Variants in AMBP observed in about 807,000 individuals in gnomAD.
AMBP encodes alpha-1-microglobulin/bikunin precursor.
A neutral mutation model predicts 46.3 loss-of-function variants in AMBP; 37 were observed. The observed-to-expected ratio is 0.80, with a 90% CI of 0.61 to 1.05. The LOEUF (loss-of-function observed/expected upper bound fraction) is 1.05, where lower values mean the gene tolerates loss of function less well. Among genes scored for constraint, AMBP ranks in the 50% least tolerant of loss-of-function variants. AMBP has a pLI of 0.00. For synonymous variants in AMBP, 174 were observed against 175.9 expected (o/e 0.99, Z 0.09); for missense variants, 475 against 461.2 (o/e 1.03, Z -0.27).
chr9:114,069,225 C>A (rs1846721040), intron 6 of AMBP, among the ~76,000 whole-genome samples: 2 of 151,926 alleles, frequency 1.3e-5, no homozygotes, highest in Admixed American at 6.6e-5. Flanking sequence ...ATAGGAAAGC[C>A]CCAAAATCAG....
In AMBP at chr9:114,060,287, A is replaced by C; in HGVS notation, c.1028-17T>G. ...CCTCATCACCTGTGGACACAGAGAG[A>C]CTCAGGGAGGGGTCCGTAGGCAGGG... On this transcript the variant is annotated splice_polypyrimidine_tract_variant and intron_variant, in intron 9 of 9. Coordinates refer to ENST00000265132, the MANE Select transcript of AMBP (RefSeq NM_001633.4). 6.2e-7 allele frequency: 1 copy of C among 1,612,700 alleles called. No homozygotes were observed. The highest frequency in any genetic ancestry group is 8.5e-7 in the Non-Finnish European group (1 of 1,179,472).
intron 6 of AMBP, among the ~76,000 whole-genome samples, chr9:114,069,253 G>A (rs754684310): frequency 2.0e-5 from 3 of 152,188 alleles, no homozygotes; most frequent in Non-Finnish European, 4.4e-5. Flanking sequence ...CATAGGAAAA[G>A]AGAAGGCTTG....
chr9:114,073,348 G>A (rs543309528), intron 4 of AMBP, among the ~76,000 whole-genome samples: 11 of 151,694 alleles, frequency 7.3e-5, no homozygotes, highest in African/African-American at 1.7e-4. Context: ...CCGGGTTCCC[G>A]CCATTCTCCT....
intron 2 of AMBP, among the ~76,000 whole-genome samples, chr9:114,076,295 G>A (rs1484743830): frequency 6.6e-6 from 1 of 151,978 alleles, no homozygotes; most frequent in African/African-American, 2.4e-5. Flanking sequence ...GGGTGACAGG[G>A]GAGAGAGGAG....
At chr9:114,065,584 C>G (rs1468107084) in intron 6 of AMBP, among the ~76,000 whole-genome samples, 3 of 152,144 alleles carry the variant, frequency 2.0e-5, no homozygotes, top group Non-Finnish European at 4.4e-5. Flanking sequence ...CCCGGAAACA[C>G]ACAGACAGTA....
chr9:114,062,677 C>G lies in AMBP; in HGVS notation c.685G>C (p.Asp229His), dbSNP rs978682709. 1.2e-6 allele frequency: 2 copies of G among 1,613,532 alleles called. No homozygotes were observed. Among genetic ancestry groups the G allele is most frequent in the Admixed American group, 3.3e-5 (2 of 59,998 alleles). The change falls in exon 7 of 10, where the codon GAT becomes CAT. Residue 229 changes from aspartate (D) to histidine (H), a missense_variant and splice_region_variant. Physicochemically the swap from Asp to His is moderately conservative, Grantham distance 81 (BLOSUM62 -1). Transcript: ENST00000265132. ...QLVTEVTKKE[D>H]SCQLGYSAGP... ...GGGTGAAAAGGCAGGTGTTCATTACCTTCTTTCTTGGTGACTTCAGTTACC... is the reference window on the plus strand; with the variant it reads ...GGGTGAAAAGGCAGGTGTTCATTACGTTCTTTCTTGGTGACTTCAGTTACC...
At chr9:114,070,184 G>C (rs952768957) in intron 5 of AMBP, among the ~76,000 whole-genome samples, 3 of 152,212 alleles carry the variant, frequency 2.0e-5, no homozygotes, top group Admixed American at 2.0e-4. Context: ...TCGAACCCAG[G>C]TGCTCTTGAT....
In AMBP at chr9:114,078,288, G is replaced by A. The variant is rs972075475; in HGVS notation, c.-79C>T. The A allele has an allele frequency of 2.1e-6, 3 of 1,399,122 alleles. No homozygotes were observed. The highest frequency in any genetic ancestry group is 1.4e-5 in the African/African-American group (1 of 70,676). The allele number at this position is 1,399,122 out of a possible 1,614,324, so 86.7% of individuals were successfully genotyped here. A position where few individuals can be genotyped will look rare whatever the true frequency, so the allele number is the denominator to read the frequency against. On this transcript the variant is annotated 5_prime_UTR_variant, in exon 1 of 10. Coordinates refer to ENST00000265132, the MANE Select transcript of AMBP (RefSeq NM_001633.4). ...AGGGCCACCGCCTCCCTGCAACAGG[G>A]CAGCTGTGAACTGAGGCTGGGGAAG...
intron 6 of AMBP, among the ~76,000 whole-genome samples, chr9:114,068,039 C>T (rs12377342): frequency 0.21 from 31,368 of 152,078 alleles, 3,776 homozygotes; most frequent in Middle Eastern, 0.34. Flanking sequence ...ACAGAGAAGA[C>T]GGGAATGGTA....
intron 4 of AMBP, among the ~76,000 whole-genome samples, chr9:114,073,297 A>G (rs1445617260): frequency 1.3e-5 from 2 of 149,092 alleles, no homozygotes; most frequent in Non-Finnish European, 3.0e-5. Flanking sequence ...CCTAGGCTGG[A>G]GTGCAGTGGC....
Position 114,078,156 on chromosome 9 carries a change from G to T in AMBP, c.54C>A (p.Ser18Arg), listed in dbSNP as rs142472165. ...LLLLSACLAV[S>R]AGPVPTPPDN... ...CGGGCGGCGTTGGCACAGGGCCAGC[G>T]CTCACCGCCAGGCAGGCGCTCAGCA... The change falls in exon 1 of 10, where the codon AGC becomes AGA. Residue 18 changes from serine to arginine, a missense_variant. By Grantham distance (110) the Ser-to-Arg change is moderately radical. Transcript: ENST00000265132. 4 of 1,613,588 alleles carry T rather than the reference G, an allele frequency of 2.5e-6. No individual in the cohort carries two copies. The highest frequency in any genetic ancestry group is 3.4e-6 in the Non-Finnish European group (4 of 1,180,036).
At position 114,061,345 on chromosome 9, in the gene AMBP, T is replaced by G. The variant is rs777848425; in HGVS notation, c.853+79A>C. ...ACTGGAATGCCCTCTGTTAGCTACC[T>G]TTTCAATTCGCAGGTGGTTTACTGG... On this transcript the variant is annotated intron_variant, in intron 8 of 9. Transcript: ENST00000265132. 18 of 1,599,244 alleles carry G rather than the reference T, an allele frequency of 1.1e-5. No homozygotes were observed. In the South Asian group the frequency reaches 1.8e-4, roughly 16 times the overall value.
rs1319088571 is a variant in AMBP, at chr9:114,074,130, G to A, written c.360C>T (p.Ser120=). 1 of 1,614,114 alleles carries A rather than the reference G, an allele frequency of 6.2e-7. No individual in the cohort carries two copies. The highest frequency in any genetic ancestry group is 1.7e-5 in the Admixed American group (1 of 60,012). The change falls in exon 4 of 10, where the codon TCC becomes TCT. Residue 120 remains serine, a synonymous_variant. Coordinates refer to ENST00000265132, the MANE Select transcript of AMBP (RefSeq NM_001633.4). ...HKSKWNITME[S]YVVHTNYDEY... ...CATCATAGTTGGTGTGGACCACATA[G>A]GACTCCATGGTTATGTTCCATTCTG...
intron 6 of AMBP, among the ~76,000 whole-genome samples, chr9:114,067,477 A>AACTCCTGGCCTCAC (rs1385744903): frequency 6.6e-6 from 1 of 151,928 alleles, no homozygotes; most frequent in African/African-American, 2.4e-5. Context: ...ACTGGTCTCA[A>AACTCCTGGCCTCAC]ACTCCTGGCC....
chr9:114,074,832 T>G, intron 3 of AMBP, 128 bp downstream of exon 3: 2 of 759,598 alleles, frequency 2.6e-6, no homozygotes, highest in Non-Finnish European at 2.2e-6. Flanking sequence ...GGAGGAGTTG[T>G]TTGGGGGAAG....
rs111476235 is a variant in AMBP at position 114,073,028 on chromosome 9, T to A, written c.455-2A>T. 6.2e-7 allele frequency: 1 copy of A among 1,612,452 alleles called. No homozygotes were observed. The highest frequency in any genetic ancestry group is 8.5e-7 in the Non-Finnish European group (1 of 1,179,230). ...TTTCCCTCAGCTGCGGCGCCCGCCC[T>A]GCAAGGAGGAAGCAGAGGAGACGCC... On this transcript the variant is annotated splice_acceptor_variant, in intron 4 of 9. Coordinates refer to ENST00000265132, the MANE Select transcript of AMBP (RefSeq NM_001633.4). LOFTEE classifies it high-confidence loss of function.
chr9:114,061,422 A>G lies in AMBP; in HGVS notation c.853+2T>C, dbSNP rs746933507. On this transcript the variant is annotated splice_donor_variant, in intron 8 of 9. Coordinates refer to ENST00000265132, the MANE Select transcript of AMBP (RefSeq NM_001633.4). LOFTEE classifies it high-confidence loss of function. ...CGCACAGGGGTGGGGACCCGCACTC[A>G]CCCACAGTTCGGCAGGTCTGCAGAC... is the stretch of plus-strand genomic sequence containing the variant. 7 of 1,614,070 alleles carry G rather than the reference A, an allele frequency of 4.3e-6. No individual in the cohort carries two copies. The Admixed American group carries it at 1.2e-4, about 27-fold the overall frequency.
chr9:114,074,378 C>T lies in AMBP; in HGVS notation c.338-226G>A, dbSNP rs115564345. On this transcript the variant is annotated intron_variant, in intron 3 of 9. Transcript: ENST00000265132. ...ATTCATCCACCATCACTCAATCCAT[C>T]TATCCTCTCCATACATCAATTCTCC... Among the ~76,000 whole-genome samples the T allele has an allele frequency of 7.3e-3, 1,116 of 152,318 alleles. 16 individuals carry two copies. Among genetic ancestry groups the T allele is most frequent in the African/African-American group, 0.026 (1,070 of 41,560 alleles).
At chr9:114,068,839 C>G (rs1379025362) in intron 6 of AMBP, among the ~76,000 whole-genome samples, 2 of 130,592 alleles carry the variant, frequency 1.5e-5, no homozygotes, top group East Asian at 4.9e-4. Flanking sequence ...AAAACCTTTA[C>G]TTACCTTTAT....
Sources: allele counts gnomAD v4.1 joint callset (sites outside exome capture counted in the v4.1 genomes callset), GRCh38; gene constraint gnomAD v4.1.1; transcripts MANE v1.5; gene names NCBI Gene and HGNC (gene_info 2026-07-23, HGNC 2026-07-21).